The following KIF24 variants were observed in gnomAD, a reference collection of about 807,000 sequenced individuals.
KIF24 encodes kinesin family member 24.
A neutral mutation model predicts 118.9 loss-of-function variants in KIF24; 81 were observed. The observed-to-expected ratio is 0.68, with a 90% CI of 0.57 to 0.82. KIF24 has a LOEUF of 0.82. KIF24 is among the 40% of genes least tolerant of loss of function. KIF24 has a pLI of 0.00. For missense variants in KIF24, 1,560 were observed against 1,661.6 expected, an observed-to-expected ratio of 0.94 and a Z score of 1.06; for synonymous variants, 599 against 610.0, an observed-to-expected ratio of 0.98 and a Z score of 0.27.
intron 6 of KIF24, among the ~76,000 whole-genome samples, chr9:34,280,111 C>T (rs972373321): frequency 7.3e-5 from 11 of 150,866 alleles, no homozygotes; most frequent in African/African-American, 2.0e-4. Context: ...GGTGAAACCC[C>T]GTCTCTACTA....
At chr9:34,306,814 A>C (rs1356664732) in intron 2 of KIF24, among the ~76,000 whole-genome samples, 3 of 151,992 alleles carry the variant, frequency 2.0e-5, no homozygotes, top group African/African-American at 7.3e-5. Flanking sequence ...AAAAAAAAAA[A>C]GTATTGGTAC....
chr9:34,270,615 T>TC (rs1476475273), intron 7 of KIF24, among the ~76,000 whole-genome samples: 1 of 150,476 alleles, frequency 6.6e-6, no homozygotes, highest in East Asian at 2.0e-4. Context: ...AGCTATGTTT[T>TC]TTTTTAAGAG....
At position 34,318,560 on chromosome 9, in the gene KIF24, A is replaced by T; in HGVS notation, c.-25-7189T>A. 1 of 1,187,420 alleles carries T rather than the reference A, an allele frequency of 8.4e-7. No individual in the cohort carries two copies. The highest frequency in any genetic ancestry group is 1.2e-6 in the Non-Finnish European group (1 of 811,578). 73.6% of individuals were successfully genotyped at this position (1,187,420 alleles called of 1,614,324 possible). ...CGAACACAGCGCCGGCCTGGCCTTCAGCCTGTACCAGGCCATGGCCAAGGA... is the reference window on the plus strand; with the variant it reads ...CGAACACAGCGCCGGCCTGGCCTTCTGCCTGTACCAGGCCATGGCCAAGGA... On this transcript the variant is annotated intron_variant, in intron 1 of 12. Coordinates refer to ENST00000402558, the MANE Select transcript of KIF24 (RefSeq NM_194313.4). This position sits in a 1 kb window ranked among gnomAD's most constrained non-coding sequence, Gnocchi z 4.9.
chr9:34,302,776 T>A (rs1463975984), intron 3 of KIF24, among the ~76,000 whole-genome samples: 1 of 107,886 alleles, frequency 9.3e-6, no homozygotes, highest in Non-Finnish European at 2.3e-5. Context: ...CACCAGCTAA[T>A]TTTTTTTTTT....
At chr9:34,333,644 CAAAAAAA>C (rs34830977), upstream of KIF24, among the ~76,000 whole-genome samples, 24 of 47,104 alleles carry the variant, frequency 5.1e-4, no homozygotes, top group East Asian at 9.2e-3. Context: ...GAGACATTGT[CAAAAAAA>C]AAAAAAAAAA....
chr9:34,280,703 C>T (rs1255627914), intron 6 of KIF24, among the ~76,000 whole-genome samples: 1 of 152,176 alleles, frequency 6.6e-6, no homozygotes, highest in Non-Finnish European at 1.5e-5. Context: ...CTAAAACAGA[C>T]ACACTCGGGC....
chr9:34,316,093 TA>T (rs1346304923), intron 1 of KIF24, among the ~76,000 whole-genome samples: 2 of 152,064 alleles, frequency 1.3e-5, no homozygotes, highest in Non-Finnish European at 2.9e-5. Flanking sequence ...GGCTCATGCC[TA>T]TAATCCCAGC....
chr9:34,275,022 T>C (rs1478749392), intron 6 of KIF24, among the ~76,000 whole-genome samples: 1 of 151,868 alleles, frequency 6.6e-6, no homozygotes. Context: ...GATGTAGGGG[T>C]GGTTAATAGG....
chr9:34,256,475 A>T lies in KIF24; in HGVS notation c.3132T>A (p.Tyr1044Ter). 3 of 1,613,838 alleles carry T rather than the reference A, an allele frequency of 1.9e-6. No individual in the cohort carries two copies. The highest frequency in any genetic ancestry group is 2.5e-6 in the Non-Finnish European group (3 of 1,179,816). ...PRGQLGTHAE[Y>*]ASGLMSPLTM... is the part of the protein sequence containing the mutation. ...TGAGGGGAGACATGAGTCCAGAAGC[A>T]TATTCAGCATGCGTGCCTAACTGCC... is the stretch of plus-strand genomic sequence containing the variant. Residue 1044 changes from tyrosine (Y) to a stop codon, truncating the protein, a stop_gained, in exon 11 of 13, where the codon TAT becomes TAA. Coordinates refer to ENST00000402558, the MANE Select transcript of KIF24 (RefSeq NM_194313.4). LOFTEE classifies it high-confidence loss of function.
At chr9:34,283,308 A>G (rs10972038) in intron 6 of KIF24, among the ~76,000 whole-genome samples, 105,688 of 151,444 alleles carry the variant, frequency 0.7, 38,876 homozygotes, top group East Asian at 0.92. Context: ...GGAGACTGAG[A>G]CTGCAGTGAG....
rs530517076 is a variant in KIF24, at chr9:34,259,919, A to C, written c.1516-214T>G. Among the ~76,000 whole-genome samples the C allele has an allele frequency of 3.9e-5, 6 of 152,356 alleles. No homozygotes were observed. In the East Asian group the frequency reaches 7.7e-4, roughly 20 times the overall value. On this transcript the variant is annotated intron_variant, in intron 9 of 12. Coordinates refer to ENST00000402558, the MANE Select transcript of KIF24 (RefSeq NM_194313.4). ...AAAATGCAAACAAACCATTAAAAAA[A>C]CCAATATTTTTAACTCATTAGATTA...
At chr9:34,320,535 G>A (rs1837483419) in intron 1 of KIF24, among the ~76,000 whole-genome samples, 1 of 150,836 alleles carries the variant, frequency 6.6e-6, no homozygotes, top group Non-Finnish European at 1.5e-5. Context: ...GCGGGCACCT[G>A]TAATCCCAGC....
upstream of KIF24, among the ~76,000 whole-genome samples, chr9:34,333,175 T>C (rs1837992891): frequency 6.6e-6 from 1 of 152,112 alleles, no homozygotes; most frequent in Admixed American, 6.5e-5. Flanking sequence ...TTGAGATGGG[T>C]GCTATTAGGA....
In KIF24 at chr9:34,295,376, TAAAA is replaced by T. The variant is rs558366756; in HGVS notation, c.911+1637_911+1640del. On this transcript the variant is annotated intron_variant, in intron 4 of 12. Transcript: ENST00000402558. ...GTGCACATCACCATGCCTGGCTAAT[TAAAA>T]AAAAAAATTTTATAGACCAGGCATG... is the stretch of plus-strand genomic sequence containing the variant. 6.8e-5 allele frequency among the ~76,000 whole-genome samples: 10 copies of T among 148,036 alleles called. No individual in the cohort carries two copies. The East Asian group carries it at 1.8e-3, about 26-fold the overall frequency.
intron 4 of KIF24, among the ~76,000 whole-genome samples, chr9:34,292,405 T>C (rs921338091): frequency 6.6e-6 from 1 of 152,182 alleles, no homozygotes; most frequent in Non-Finnish European, 1.5e-5. Flanking sequence ...TCTCAGATCT[T>C]ACCCTTTAAA....
At chr9:34,290,107 G>C in intron 5 of KIF24, 67 bp downstream of exon 5, 1 of 1,126,610 alleles carries the variant, frequency 8.9e-7, no homozygotes, top group East Asian at 2.4e-5. Flanking sequence ...ATGATTCAGT[G>C]ATTCTCCGGG....
chr9:34,311,374 GAAGA>G lies in KIF24; in HGVS notation c.-25-7_-25-4del. The G allele has an allele frequency of 6.8e-7, 1 of 1,473,146 alleles. No individual in the cohort carries two copies. Among genetic ancestry groups the G allele is most frequent in the South Asian group, 1.5e-5 (1 of 68,770 alleles). 91.3% of individuals were successfully genotyped at this position (1,473,146 alleles called of 1,614,324 possible). Reference sequence around the variant, plus strand: ...TGGTGAATAGGTTTCTATAAACTCTGAAGAGAGAAAGAAAAGCCATTCGCTTGAA... The same window carrying G: ...TGGTGAATAGGTTTCTATAAACTCTGGAGAAAGAAAAGCCATTCGCTTGAA... On this transcript the variant is annotated splice_polypyrimidine_tract_variant and splice_region_variant and intron_variant, in intron 1 of 12. Coordinates refer to ENST00000402558, the MANE Select transcript of KIF24 (RefSeq NM_194313.4).
Position 34,252,601 on chromosome 9 carries a change from T to G in KIF24, c.*1779A>C, listed in dbSNP as rs551761701. 2 of 152,590 alleles carry G rather than the reference T, an allele frequency of 1.3e-5. No homozygotes were observed. Among genetic ancestry groups the G allele is most frequent in the Non-Finnish European group, 2.9e-5 (2 of 68,044 alleles). 9.5% of individuals were successfully genotyped at this position (152,590 alleles called of 1,614,324 possible). On this transcript the variant is annotated 3_prime_UTR_variant, in exon 13 of 13. Transcript: ENST00000402558. ...GGGCCATGTGGTGTATAAAGAGATT[T>G]CTTGCTTAGATTTGCTGGGGATAGA...
At chr9:34,285,005 A>G (rs150653964) in intron 6 of KIF24, among the ~76,000 whole-genome samples, 2 of 152,304 alleles carry the variant, frequency 1.3e-5, no homozygotes, top group East Asian at 3.9e-4. Context: ...ACTTACGTTA[A>G]TAAATGCCCA....
Sources: allele counts gnomAD v4.1 joint callset (sites outside exome capture counted in the v4.1 genomes callset), GRCh38; gene constraint gnomAD v4.1.1; non-coding constraint Gnocchi (gnomAD v3.1); transcripts MANE v1.5; gene names NCBI Gene and HGNC (gene_info 2026-07-23, HGNC 2026-07-21).